Variants in SLC9A2 observed in about 807,000 individuals in gnomAD.
The protein encoded by SLC9A2 is solute carrier family 9 member A2, also known as sodium/hydrogen exchanger 2.
SLC9A2 carries 42 observed loss-of-function variants against 71.7 expected under a neutral mutation model. The observed-to-expected ratio is 0.59, with a 90% CI of 0.46 to 0.76. The LOEUF (loss-of-function observed/expected upper bound fraction) is 0.76. Among genes scored for constraint, SLC9A2 ranks in the 30% least tolerant of loss-of-function variants. The pLI, the probability that SLC9A2 is intolerant of heterozygous loss-of-function variation, is 0.00. For synonymous variants in SLC9A2, 396 were observed against 392.5 expected, an observed-to-expected ratio of 1.01 and a Z score of -0.10; for missense variants, 829 against 1,017.4, an observed-to-expected ratio of 0.81 and a Z score of 2.52.
intron 4 of SLC9A2, among the ~76,000 whole-genome samples, chr2:102,683,777 C>A (rs925956748): frequency 4.0e-5 from 6 of 151,774 alleles, no homozygotes; most frequent in Admixed American, 1.3e-4. Context: ...TCTCACCTTC[C>A]TCTGCCTCTT....
intron 1 of SLC9A2, among the ~76,000 whole-genome samples, chr2:102,635,636 G>A (rs934884859): frequency 6.6e-6 from 1 of 152,214 alleles, no homozygotes; most frequent in Non-Finnish European, 1.5e-5. Context: ...CACTTACAAC[G>A]TATATAGTTA....
Position 102,620,022 on chromosome 2 carries a change from C to T in SLC9A2, c.174C>T (p.Pro58=), listed in dbSNP as rs762827923. The T allele has an allele frequency of 7.4e-6, 12 of 1,613,960 alleles. No individual in the cohort carries two copies. The highest frequency in any genetic ancestry group is 9.3e-6 in the Non-Finnish European group (11 of 1,180,012). ...SPPSPASVVA[P]GTTLFEESRL... is the part of the protein sequence containing the mutation. Reference sequence around the variant, plus strand: ...CTAGCCCTGCGAGCGTGGTGGCTCCCGGAACGACGCTGTTCGAGGAGAGCC... The same window carrying T: ...CTAGCCCTGCGAGCGTGGTGGCTCCTGGAACGACGCTGTTCGAGGAGAGCC... The change falls in exon 1 of 12, where the codon CCC becomes CCT. Residue 58 remains proline (P), a synonymous_variant. Transcript: ENST00000233969.
At chr2:102,627,077 G>C (rs1676262536) in intron 1 of SLC9A2, among the ~76,000 whole-genome samples, 1 of 152,080 alleles carries the variant, frequency 6.6e-6, no homozygotes, top group Non-Finnish European at 1.5e-5. Context: ...CTTGAGGCCA[G>C]AAGTTTGAGA....
chr2:102,658,070 G>C (rs1329148228), intron 2 of SLC9A2, 43 bp downstream of exon 2: 2 of 1,479,482 alleles, frequency 1.4e-6, no homozygotes, highest in Admixed American at 3.6e-5. Context: ...GGTGGGGGCT[G>C]CCCAGCCACC....
At chr2:102,670,221 T>G (rs1255531353) in intron 3 of SLC9A2, among the ~76,000 whole-genome samples, 1 of 151,268 alleles carries the variant, frequency 6.6e-6, no homozygotes, top group Non-Finnish European at 1.5e-5. Context: ...TTTCACCGTG[T>G]TAGCCAGGAT....
chr2:102,628,015 GA>G (rs914732825), intron 1 of SLC9A2, among the ~76,000 whole-genome samples: 1 of 152,004 alleles, frequency 6.6e-6, no homozygotes, highest in African/African-American at 2.4e-5. Context: ...CTTACTTATT[GA>G]AACTCCTAAT....
At chr2:102,687,881 C>A (rs1272920411) in intron 5 of SLC9A2, among the ~76,000 whole-genome samples, 1 of 151,920 alleles carries the variant, frequency 6.6e-6, no homozygotes, top group Non-Finnish European at 1.5e-5. Context: ...TAGGTTCCAG[C>A]GATTCTCCTG....
intron 3 of SLC9A2, among the ~76,000 whole-genome samples, chr2:102,679,348 A>G (rs1414833605): frequency 1.2e-4 from 18 of 151,072 alleles, no homozygotes; most frequent in Non-Finnish European, 1.9e-4. Flanking sequence ...AAATTAATTC[A>G]TGTTTTATTC....
intron 2 of SLC9A2, 93 bp from the exon 3 acceptor site, chr2:102,665,007 C>T: frequency 1.5e-6 from 2 of 1,316,994 alleles, no homozygotes; most frequent in Non-Finnish European, 2.1e-6. Context: ...AAGAAATGTC[C>T]TTATTAGAAG....
intron 1 of SLC9A2, among the ~76,000 whole-genome samples, chr2:102,654,686 G>C (rs959047472): frequency 1.3e-5 from 2 of 152,094 alleles, no homozygotes; most frequent in African/African-American, 4.8e-5. Flanking sequence ...AAGGGGATAC[G>C]TTCTGCAAAA....
intron 1 of SLC9A2, among the ~76,000 whole-genome samples, chr2:102,640,051 CTG>C (rs1400177491): frequency 1.3e-5 from 2 of 152,292 alleles, no homozygotes; most frequent in East Asian, 3.9e-4. Flanking sequence ...GATACAAACT[CTG>C]TAACTTTCTG....
intron 9 of SLC9A2, among the ~76,000 whole-genome samples, chr2:102,703,582 A>G (rs1387620744): frequency 6.6e-6 from 1 of 152,130 alleles, no homozygotes; most frequent in Non-Finnish European, 1.5e-5. Context: ...ATGATTTTGC[A>G]TAATTTTGTT....
intron 7 of SLC9A2, among the ~76,000 whole-genome samples, chr2:102,695,770 A>ATTATATATTAT (rs1327321131): frequency 2.0e-5 from 2 of 99,668 alleles, no homozygotes; most frequent in Non-Finnish European, 4.3e-5. Context: ...ATATATATAT[A>ATTATATATTAT]ATATATATTA....
chr2:102,646,091 T>A (rs1676718566), intron 1 of SLC9A2, among the ~76,000 whole-genome samples: 1 of 152,192 alleles, frequency 6.6e-6, no homozygotes, highest in Non-Finnish European at 1.5e-5. Flanking sequence ...CCCATCAGAC[T>A]AACAGTAGAT....
At chr2:102,682,011 G>C (rs1677461090) in intron 3 of SLC9A2, among the ~76,000 whole-genome samples, 1 of 152,166 alleles carries the variant, frequency 6.6e-6, no homozygotes, top group Admixed American at 6.5e-5. Context: ...AGGACCACAT[G>C]ATGGGAGTAG....
intron 1 of SLC9A2, among the ~76,000 whole-genome samples, chr2:102,648,843 T>C (rs200080314): frequency 3.7e-4 from 56 of 150,604 alleles, no homozygotes; most frequent in Middle Eastern, 3.6e-3. Flanking sequence ...AGGACACAAA[T>C]AAATGGAAAA....
chr2:102,630,010 C>T (rs1463649631), intron 1 of SLC9A2, among the ~76,000 whole-genome samples: 1 of 151,968 alleles, frequency 6.6e-6, no homozygotes, highest in Admixed American at 6.6e-5. Context: ...AAAGTATTTG[C>T]TATTTTTATC....
At chr2:102,674,111 T>C (rs1677305646) in intron 3 of SLC9A2, among the ~76,000 whole-genome samples, 1 of 152,140 alleles carries the variant, frequency 6.6e-6, no homozygotes, top group East Asian at 1.9e-4. Flanking sequence ...TTAATAAAAA[T>C]ATTTTTAGAA....
chr2:102,686,924 CT>C (rs912822962), intron 5 of SLC9A2, among the ~76,000 whole-genome samples: 15 of 152,222 alleles, frequency 9.9e-5, no homozygotes, highest in African/African-American at 3.4e-4. Flanking sequence ...AGGAGAAAGC[CT>C]GAAGCAACAA....
Sources: allele counts gnomAD v4.1 joint callset (sites outside exome capture counted in the v4.1 genomes callset), GRCh38; gene constraint gnomAD v4.1.1; transcripts MANE v1.5; gene names NCBI Gene and HGNC (gene_info 2026-07-23, HGNC 2026-07-21).